Variants in PKHD1L1 observed in about 807,000 individuals in gnomAD.
PKHD1L1 encodes fibrocystin-L.
Under a neutral mutation model 462.9 loss-of-function variants are expected in PKHD1L1, and 434 were observed. The observed-to-expected ratio is 0.94, with a 90% confidence interval of 0.87 to 1.02. The LOEUF (loss-of-function observed/expected upper bound fraction) is 1.02. Among genes scored for constraint, PKHD1L1 ranks in the 50% least tolerant of loss-of-function variants. PKHD1L1 has a pLI of 0.00. For synonymous variants in PKHD1L1, 1,781 were observed against 1,750.0 expected, an observed-to-expected ratio of 1.02 and a Z score of -0.44; for missense variants, 5,202 against 5,096.1, an observed-to-expected ratio of 1.02 and a Z score of -0.63.
intron 41 of PKHD1L1, 27 bp downstream of exon 41, chr8:109,451,176 A>G: frequency 6.4e-7 from 1 of 1,569,652 alleles, no homozygotes; most frequent in East Asian, 2.3e-5. Flanking sequence ...AACACGCATC[A>G]TTGTGCATTT....
Position 109,532,965 on chromosome 8 carries a change from T to A in PKHD1L1, c.*2875T>A, listed in dbSNP as rs1047620650. 5.3e-5 allele frequency among the ~76,000 whole-genome samples: 8 copies of A among 152,242 alleles called. No individual in the cohort carries two copies. The highest frequency in any genetic ancestry group is 1.9e-4 in the African/African-American group (8 of 41,466). ...GGACCCTTTCCTTACAGCAATCCTA[T>A]GAGGATAACCTTATTCCCTTCTCCA... On this transcript the variant is annotated 3_prime_UTR_variant, in exon 78 of 78. Coordinates refer to ENST00000378402, the MANE Select transcript of PKHD1L1 (RefSeq NM_177531.6).
At chr8:109,379,691 C>T (rs73700870) in intron 2 of PKHD1L1, among the ~76,000 whole-genome samples, 3,289 of 152,262 alleles carry the variant, frequency 0.022, 105 homozygotes, top group African/African-American at 0.074. Context: ...GCCTTTGCAA[C>T]CTTACATTCT....
At chr8:109,501,300 T>C (rs1336969300) in intron 67 of PKHD1L1, among the ~76,000 whole-genome samples, 2 of 152,166 alleles carry the variant, frequency 1.3e-5, no homozygotes, top group African/African-American at 4.8e-5. Context: ...GATTCCATTG[T>C]CTTATGCTCA....
chr8:109,520,456 T>C (rs886950349), intron 73 of PKHD1L1, among the ~76,000 whole-genome samples: 1 of 152,156 alleles, frequency 6.6e-6, no homozygotes, highest in South Asian at 2.1e-4. Flanking sequence ...CAATCCCTCC[T>C]ACATCCATCC....
chr8:109,444,611 A>G, intron 37 of PKHD1L1, 50 bp from the exon 38 acceptor site: 1 of 1,507,670 alleles, frequency 6.6e-7, no homozygotes, highest in Non-Finnish European at 9.0e-7. Flanking sequence ...ATTTGTTTAT[A>G]CTGGAGGTAT....
At chr8:109,393,146 TA>T (rs1321991823) in intron 9 of PKHD1L1, among the ~76,000 whole-genome samples, 4 of 152,126 alleles carry the variant, frequency 2.6e-5, no homozygotes, top group Non-Finnish European at 4.4e-5. Context: ...GCTTCTGACA[TA>T]AAAATATGAA....
intron 3 of PKHD1L1, 54 bp from the exon 4 acceptor site, chr8:109,382,409 A>G (rs1225525403): frequency 6.9e-7 from 1 of 1,447,118 alleles, no homozygotes; most frequent in Non-Finnish European, 9.4e-7. Context: ...TTAATACTAT[A>G]CACTAAATAA....
In PKHD1L1 at chr8:109,382,492, G is replaced by T; in HGVS notation, c.338G>T (p.Arg113Ile). The T allele has an allele frequency of 6.2e-7, 1 of 1,611,460 alleles. No individual in the cohort carries two copies. Among genetic ancestry groups the T allele is most frequent in the Non-Finnish European group, 8.5e-7 (1 of 1,178,660 alleles). Residue 113 changes from arginine (R) to isoleucine (I), a missense_variant, in exon 4 of 78, where the codon AGA (arginine) becomes ATA (isoleucine). Arg to Ile is a moderately conservative substitution (Grantham distance 97). Transcript: ENST00000378402. ...ATGCCGGAAGATTCCTACACTGTTA[G>T]AGTCAGTGTGGACGGGGTTCCTGTT... is the stretch of plus-strand genomic sequence containing the variant. ...RAMPEDSYTVRVSVDGVPVTE... is the reference protein window; with the variant it reads ...RAMPEDSYTVIVSVDGVPVTE...
chr8:109,526,264 C>T (rs1820808993), intron 76 of PKHD1L1, among the ~76,000 whole-genome samples: 1 of 152,140 alleles, frequency 6.6e-6, no homozygotes, highest in Non-Finnish European at 1.5e-5. Flanking sequence ...AAATGTGAAA[C>T]ATGGTAAAAG....
chr8:109,528,168 A>C (rs1220200025), intron 77 of PKHD1L1, among the ~76,000 whole-genome samples: 1 of 152,208 alleles, frequency 6.6e-6, no homozygotes, highest in Non-Finnish European at 1.5e-5. Context: ...TATAAAATGT[A>C]TAAGATTTGG....
intron 36 of PKHD1L1, among the ~76,000 whole-genome samples, chr8:109,443,383 C>T (rs1391553905): frequency 6.6e-5 from 10 of 152,102 alleles, no homozygotes; most frequent in Non-Finnish European, 1.3e-4. Flanking sequence ...ATGTATGTGC[C>T]TGGACGTATA....
chr8:109,400,075 G>T lies in PKHD1L1; in HGVS notation c.1013-1G>T, dbSNP rs747636241. The T allele has an allele frequency of 1.9e-6, 3 of 1,607,762 alleles. No homozygotes were observed. The highest frequency in any genetic ancestry group is 2.5e-6 in the Non-Finnish European group (3 of 1,176,634). On this transcript the variant is annotated splice_acceptor_variant, in intron 12 of 77. Coordinates refer to ENST00000378402, the MANE Select transcript of PKHD1L1 (RefSeq NM_177531.6). LOFTEE classifies it high-confidence loss of function. ...GTCTTATTTTATTTCATTACACTTA[G>T]GAGGGAGAGGCCTGAAGCTTGAGGT...
intron 55 of PKHD1L1, chr8:109,480,466 A>G (rs1818221268): frequency 4.7e-6 from 2 of 422,850 alleles, no homozygotes; most frequent in Non-Finnish European, 9.1e-6. Flanking sequence ...TTCTGAAACA[A>G]GTAAAAGAAT....
At chr8:109,396,329 G>A in intron 11 of PKHD1L1, among the ~76,000 whole-genome samples, 192 bp downstream of exon 11, 1 of 152,150 alleles carries the variant, frequency 6.6e-6, no homozygotes, top group East Asian at 1.9e-4. Flanking sequence ...GTCACTCCCT[G>A]AAACCTCATG....
intron 2 of PKHD1L1, among the ~76,000 whole-genome samples, chr8:109,369,640 TATAC>T (rs1408991496): frequency 2.0e-5 from 3 of 151,986 alleles, no homozygotes; most frequent in Non-Finnish European, 4.4e-5. Flanking sequence ...TATATATATA[TATAC>T]ATATCTCACA....
In PKHD1L1 at chr8:109,433,142, G is replaced by T; in HGVS notation, c.3266G>T (p.Gly1089Val). Residue 1089 changes from glycine (G) to valine (V), a missense_variant, in exon 28 of 78, where the codon GGT (glycine) becomes GTT (valine). By Grantham distance (109) the Gly-to-Val change is moderately radical. Transcript: ENST00000378402. ...YEEGTILTIV[G>V]SGFSPSSAVT... The stretch of plus-strand genomic sequence containing the variant: ...GAAGGCACAATTCTAACCATAGTGG[G>T]TTCTGGATTTTCTCCTAGTTCAGCT... 1 of 1,613,502 alleles carries T rather than the reference G, an allele frequency of 6.2e-7. No individual in the cohort carries two copies. Among genetic ancestry groups the T allele is most frequent in the East Asian group, 2.2e-5 (1 of 44,822 alleles).
chr8:109,364,138 T>C (rs904556809), intron 1 of PKHD1L1, among the ~76,000 whole-genome samples: 14 of 152,238 alleles, frequency 9.2e-5, no homozygotes, highest in African/African-American at 3.4e-4. Context: ...CTACCTAGCA[T>C]TGCATTTCTT....
chr8:109,470,525 A>G, intron 50 of PKHD1L1: 1 of 1,610,890 alleles, frequency 6.2e-7, no homozygotes, highest in Non-Finnish European at 8.5e-7. Flanking sequence ...GAAAAGAAGC[A>G]GGGATTTGAT....
chr8:109,488,858 T>C (rs896802072), intron 59 of PKHD1L1, among the ~76,000 whole-genome samples: 2 of 150,360 alleles, frequency 1.3e-5, no homozygotes, highest in Non-Finnish European at 3.0e-5. Flanking sequence ...CATAATGTTA[T>C]GGCATAAATA....
Sources: allele counts gnomAD v4.1 joint callset (sites outside exome capture counted in the v4.1 genomes callset), GRCh38; gene constraint gnomAD v4.1.1; transcripts MANE v1.5; gene names NCBI Gene and HGNC (gene_info 2026-07-23, HGNC 2026-07-21).